Variants in SOS2 observed in about 807,000 individuals in gnomAD.
SOS2 encodes the protein son of sevenless homolog 2.
Under a neutral mutation model 148.2 loss-of-function variants are expected in SOS2, and 65 were observed. The ratio of observed to expected loss-of-function variants is 0.44; its 90% CI spans 0.36 to 0.54. The LOEUF is 0.54. Ranked by LOEUF, SOS2 falls within the 20% of genes least tolerant of loss-of-function variation. The pLI, the probability that SOS2 is intolerant of heterozygous loss-of-function variation, is 0.00. For synonymous variants in SOS2, 539 were observed against 537.1 expected (o/e 1.00, Z -0.05); for missense variants, 1,341 against 1,590.2 (o/e 0.84, Z 2.67).
At position 50,160,226 on chromosome 14, in the gene SOS2, C is replaced by T. The variant is rs1884951242; in HGVS notation, c.1197-140G>A. 3 of 650,244 alleles carry T rather than the reference C, an allele frequency of 4.6e-6. No individual in the cohort carries two copies. The South Asian group carries it at 6.4e-5, about 14-fold the overall frequency. The allele number at this position is 650,244 out of a possible 1,614,324, so 40.3% of individuals were successfully genotyped here. On this transcript the variant is annotated intron_variant, in intron 9 of 22. Transcript: ENST00000216373. The stretch of plus-strand genomic sequence containing the variant: ...CGCACAGCATTTAGTTCTAACTTTG[C>T]CACTAAATAATACAGCCCTCAATTT...
chr14:50,189,585 T>C (rs759396428), intron 4 of SOS2, among the ~76,000 whole-genome samples: 20 of 152,022 alleles, frequency 1.3e-4, no homozygotes, highest in African/African-American at 4.6e-4. Flanking sequence ...CAGTACATAT[T>C]TGAGTAGGGT....
intron 8 of SOS2, among the ~76,000 whole-genome samples, 169 bp from the exon 9 acceptor site, chr14:50,161,778 C>G (rs1028635067): frequency 5.3e-5 from 7 of 131,506 alleles, no homozygotes; most frequent in African/African-American, 2.1e-4. Flanking sequence ...TCAAACCAAC[C>G]CTTTTTCTTT....
chr14:50,188,532 CT>C lies in SOS2; in HGVS notation c.678del (p.Ala227ProfsTer27). On this transcript the variant is annotated frameshift_variant, in exon 5 of 23. Transcript: ENST00000216373. LOFTEE classifies it high-confidence loss of function. Reference protein sequence around the residue: ...ELNMIIKVFREAFLSDRKLFK... With the variant: ...ELNMIIKVFRXAFLSDRKLFK... ...AACAGCTTTCTATCAGAAAGAAAGG[CT>C]TCTCGAAACACTTTTATGATCATAT... The C allele has an allele frequency of 6.3e-7, 1 of 1,599,926 alleles. No homozygotes were observed. The highest frequency in any genetic ancestry group is 8.5e-7 in the Non-Finnish European group (1 of 1,176,766).
intron 21 of SOS2, among the ~76,000 whole-genome samples, chr14:50,122,842 TGTTA>T (rs1295873198): frequency 1.3e-5 from 2 of 152,216 alleles, no homozygotes; most frequent in African/African-American, 4.8e-5. Context: ...ATTTCTGTAA[TGTTA>T]GTTAGCTATC....
chr14:50,166,520 C>T (rs1196458493), intron 8 of SOS2, among the ~76,000 whole-genome samples: 1 of 152,118 alleles, frequency 6.6e-6, no homozygotes, highest in African/African-American at 2.4e-5. Context: ...TGACCCACCG[C>T]GCCTAGCTTT....
intron 1 of SOS2, chr14:50,215,640 G>A (rs953022130): frequency 3.1e-5 from 6 of 192,628 alleles, no homozygotes; most frequent in Non-Finnish European, 4.7e-5. Flanking sequence ...AATTGTTAGT[G>A]GGTGCAGCGC....
intron 1 of SOS2, among the ~76,000 whole-genome samples, chr14:50,210,460 T>C (rs933285090): frequency 6.6e-6 from 1 of 152,080 alleles, no homozygotes. Flanking sequence ...CTAGATAATA[T>C]CTTCATGATT....
intron 16 of SOS2, 25 bp downstream of exon 16, chr14:50,145,145 T>A: frequency 1.5e-6 from 2 of 1,337,330 alleles, no homozygotes; most frequent in Non-Finnish European, 9.8e-7. Context: ...CCGAGAAAAA[T>A]GAAAAAGTTA....
At chr14:50,169,634 T>G (rs949146979) in intron 8 of SOS2, among the ~76,000 whole-genome samples, 2 of 152,132 alleles carry the variant, frequency 1.3e-5, no homozygotes, top group Admixed American at 1.3e-4. Flanking sequence ...AGTGAGACCG[T>G]GCCTCAAAAA....
At chr14:50,119,101 A>G (rs1399327852) in intron 22 of SOS2, among the ~76,000 whole-genome samples, 1 of 152,096 alleles carries the variant, frequency 6.6e-6, no homozygotes, top group Non-Finnish European at 1.5e-5. Flanking sequence ...TACATTTCAG[A>G]AATTTATGTA....
Position 50,200,098 on chromosome 14 carries a change from A to C in SOS2, c.346-243T>G, listed in dbSNP as rs139044071. 3.3e-5 allele frequency among the ~76,000 whole-genome samples: 5 copies of C among 152,308 alleles called. No homozygotes were observed. The East Asian group carries it at 9.6e-4, about 29-fold the overall frequency. ...TCAAACAACAACAGTTGATCTTGAT[A>C]TAGAAATCTTGGGTTGGACTCCACT... On this transcript the variant is annotated intron_variant, in intron 3 of 22. Coordinates refer to ENST00000216373, the MANE Select transcript of SOS2 (RefSeq NM_006939.4).
At position 50,138,622 on chromosome 14, in the gene SOS2, G is replaced by A; in HGVS notation, c.2948C>T (p.Pro983Leu). 1 of 1,524,336 alleles carries A rather than the reference G, an allele frequency of 6.6e-7. No homozygotes were observed. The highest frequency in any genetic ancestry group is 8.8e-7 in the Non-Finnish European group (1 of 1,133,930). 94.4% of individuals were successfully genotyped at this position (1,524,336 alleles called of 1,614,324 possible). A position where few individuals can be genotyped will look rare whatever the true frequency, so the allele number is the denominator to read the frequency against. Reference sequence around the variant, plus strand: ...AAAGAAAATATTTACCCTCATATCTGGTTCTATCCGTAAACAGTAAGGCTG... The same window carrying A: ...AAAGAAAATATTTACCCTCATATCTAGTTCTATCCGTAAACAGTAAGGCTG... ...QNQPYCLRIEPDMRRFFENLN... is the reference protein window; with the variant it reads ...QNQPYCLRIELDMRRFFENLN... The change falls in exon 18 of 23, where the codon CCA (proline) becomes CTA (leucine). Residue 983 changes from proline (P) to leucine (L), a missense_variant. By Grantham distance (98) the Pro-to-Leu change is moderately conservative (BLOSUM62 -3). Transcript: ENST00000216373.
Position 50,145,234 on chromosome 14 carries a change from C to T in SOS2, c.2603G>A (p.Gly868Asp). 6.2e-7 allele frequency: 1 copy of T among 1,610,922 alleles called. No homozygotes were observed. Among genetic ancestry groups the T allele is most frequent in the Non-Finnish European group, 8.5e-7 (1 of 1,177,412 alleles). The change falls in exon 16 of 23, where the codon GGC becomes GAC. Residue 868 changes from glycine (G) to aspartate (D), a missense_variant. This residue lies in a region of SOS2 where 408 missense variants were observed against 506.6 expected (regional missense o/e 0.81). Transcript: ENST00000216373. The stretch of plus-strand genomic sequence containing the variant: ...TACTGCACTGACTATCTCCAATACG[C>T]CATTGAAATTATTCAAATCTTGAAA... ...QVFQDLNNFNGVLEIVSAVNS... is the reference protein window; with the variant it reads ...QVFQDLNNFNDVLEIVSAVNS...
At chr14:50,224,312 TATACACAC>T (rs1203716522) in intron 1 of SOS2, among the ~76,000 whole-genome samples, 1,876 of 53,232 alleles carry the variant, frequency 0.035, 111 homozygotes, top group Non-Finnish European at 0.045. Context: ...AAAATATATA[TATACACAC>T]ACACACACAC....
In SOS2 at chr14:50,130,404, G is replaced by A. The variant is rs980059197; in HGVS notation, c.3337+97C>T. On this transcript the variant is annotated intron_variant, in intron 20 of 22. Transcript: ENST00000216373. ...AGATATCACTTTTCACACTAATATAGTTTGCAAAGGATTCTATAGTTCCCT... is the reference window on the plus strand; with the variant it reads ...AGATATCACTTTTCACACTAATATAATTTGCAAAGGATTCTATAGTTCCCT... 93 of 983,390 alleles carry A rather than the reference G, an allele frequency of 9.5e-5. 3 individuals carry two copies. Among genetic ancestry groups the A allele is most frequent in the Non-Finnish European group, 3.6e-5 (24 of 665,368 alleles). The allele number at this position is 983,390 out of a possible 1,614,324, so 60.9% of individuals were successfully genotyped here.
intron 1 of SOS2, among the ~76,000 whole-genome samples, chr14:50,218,921 T>C (rs533579077): frequency 4.5e-4 from 69 of 152,210 alleles, no homozygotes; most frequent in Middle Eastern, 3.4e-3. Context: ...GAGACCATCC[T>C]GGCCAATACA....
At chr14:50,151,817 G>C (rs1884671609) in intron 13 of SOS2, among the ~76,000 whole-genome samples, 1 of 152,128 alleles carries the variant, frequency 6.6e-6, no homozygotes, top group Non-Finnish European at 1.5e-5. Flanking sequence ...CGAGCTCTGG[G>C]CTTAAAAGTG....
chr14:50,224,883 CAAA>C (rs373602186), intron 1 of SOS2, among the ~76,000 whole-genome samples: 45 of 96,680 alleles, frequency 4.7e-4, no homozygotes, highest in South Asian at 2.8e-3. Context: ...AAAACCCTGT[CAAA>C]AAAAAAAAAA....
intron 8 of SOS2, among the ~76,000 whole-genome samples, chr14:50,170,188 C>T (rs1885315424): frequency 6.6e-6 from 1 of 151,784 alleles, no homozygotes; most frequent in Non-Finnish European, 1.5e-5. Flanking sequence ...TCACCTTGGC[C>T]TCCCAAAGCG....
Sources: allele counts gnomAD v4.1 joint callset (sites outside exome capture counted in the v4.1 genomes callset), GRCh38; gene constraint gnomAD v4.1.1; regional missense constraint gnomAD v4.1.1; transcripts MANE v1.5; gene names NCBI Gene and HGNC (gene_info 2026-07-23, HGNC 2026-07-21).